Variants in UGT2B4 observed in about 807,000 individuals in gnomAD.
UGT2B4 encodes UDP-glucuronosyltransferase 2B4.
Under a neutral mutation model 49.8 loss-of-function variants are expected in UGT2B4, and 49 were observed. That is an observed-to-expected ratio of 0.98 (90% CI 0.78 to 1.25). The LOEUF (loss-of-function observed/expected upper bound fraction) is 1.25, where lower values mean the gene tolerates loss of function less well. Among genes scored for constraint, UGT2B4 ranks in the 50% most tolerant of loss-of-function variants. The pLI is 0.00. For synonymous variants in UGT2B4, 246 were observed against 217.7 expected, an observed-to-expected ratio of 1.13 and a Z score of -1.14; for missense variants, 729 against 627.7, an observed-to-expected ratio of 1.16 and a Z score of -1.73.
chr4:69,521,426 G>A (rs1728847000), intron 1 of UGT2B4, among the ~76,000 whole-genome samples: 2 of 152,158 alleles, frequency 1.3e-5, no homozygotes, highest in Non-Finnish European at 2.9e-5. Flanking sequence ...TCATCCAGAT[G>A]TGGGTGACTG....
intron 4 of UGT2B4, among the ~76,000 whole-genome samples, chr4:69,486,082 A>G (rs115598817): frequency 0.012 from 1,819 of 152,252 alleles, 34 homozygotes; most frequent in African/African-American, 0.042. Context: ...TCTTAAGTAC[A>G]GTCACGGAGT....
upstream of UGT2B4, among the ~76,000 whole-genome samples, chr4:69,498,135 T>C (rs184511577): frequency 2.6e-5 from 4 of 152,350 alleles, no homozygotes; most frequent in Admixed American, 1.3e-4. Context: ...GACTGCAGCA[T>C]TGTGTAAACA....
At chr4:69,521,940 G>A (rs1373983968) in intron 1 of UGT2B4, among the ~76,000 whole-genome samples, 2 of 152,164 alleles carry the variant, frequency 1.3e-5, no homozygotes, top group East Asian at 3.8e-4. Flanking sequence ...AAATGATGCA[G>A]CAAGTGTAGT....
intron 1 of UGT2B4, among the ~76,000 whole-genome samples, chr4:69,512,587 G>A (rs1019583882): frequency 6.6e-6 from 1 of 152,090 alleles, no homozygotes; most frequent in African/African-American, 2.4e-5. Flanking sequence ...GAAATTGCTG[G>A]CTCAAATGGC....
At chr4:69,508,187 A>C (rs1050516556) in intron 1 of UGT2B4, among the ~76,000 whole-genome samples, 4 of 152,172 alleles carry the variant, frequency 2.6e-5, no homozygotes, top group African/African-American at 9.7e-5. Flanking sequence ...TTAAAAAATA[A>C]AAAATAAATT....
chr4:69,499,761 A>G (rs1341632873), upstream of UGT2B4, among the ~76,000 whole-genome samples: 1 of 152,092 alleles, frequency 6.6e-6, no homozygotes, highest in African/African-American at 2.4e-5. Flanking sequence ...GTGTCTTTGC[A>G]AGTGAGATGG....
intron 1 of UGT2B4, among the ~76,000 whole-genome samples, chr4:69,503,487 G>T (rs572221367): frequency 6.6e-6 from 1 of 152,152 alleles, no homozygotes; most frequent in African/African-American, 2.4e-5. Flanking sequence ...ACACAGGAGT[G>T]CAGTACACCC....
chr4:69,507,533 C>CCAAA (rs758896628), intron 1 of UGT2B4, among the ~76,000 whole-genome samples: 2 of 151,880 alleles, frequency 1.3e-5, no homozygotes, highest in Non-Finnish European at 2.9e-5. Context: ...AAATAACCAA[C>CCAAA]CAAACAAACA....
chr4:69,496,073 AT>A (rs41299972), upstream of UGT2B4: 44,361 of 486,982 alleles, frequency 0.091, no homozygotes, highest in East Asian at 0.12. Flanking sequence ...TTCTTTTTGG[AT>A]TTTTTTTTTT....
chr4:69,497,724 A>C (rs1434853156), upstream of UGT2B4, among the ~76,000 whole-genome samples: 2 of 152,254 alleles, frequency 1.3e-5, no homozygotes, highest in Non-Finnish European at 2.9e-5. Flanking sequence ...AACATTGCTG[A>C]AATGACAACA....
At chr4:69,518,242 T>TA (rs944030542) in intron 1 of UGT2B4, 2 of 152,888 alleles carry the variant, frequency 1.3e-5, no homozygotes, top group African/African-American at 4.8e-5. Flanking sequence ...TCAACACTGT[T>TA]ACCTGGTGAC....
At chr4:69,513,763 T>A (rs1728665122) in intron 1 of UGT2B4, among the ~76,000 whole-genome samples, 1 of 152,308 alleles carries the variant, frequency 6.6e-6, no homozygotes, top group East Asian at 1.9e-4. Context: ...CAGTGGTTTG[T>A]AGTTCTCCTT....
intron 1 of UGT2B4, among the ~76,000 whole-genome samples, chr4:69,509,170 A>ATTTTTT (rs3075675): frequency 0.017 from 2,069 of 119,674 alleles, 106 homozygotes; most frequent in Non-Finnish European, 0.025. Flanking sequence ...TGGAATTTCT[A>ATTTTTT]TTTTTTTTTT....
chr4:69,510,096 TA>T, intron 1 of UGT2B4, among the ~76,000 whole-genome samples: 1 of 152,182 alleles, frequency 6.6e-6, no homozygotes. Context: ...TAGTACCATT[TA>T]TTTAAGAGAC....
At chr4:69,488,718 T>A (rs532881264) in intron 3 of UGT2B4, among the ~76,000 whole-genome samples, 29 of 152,012 alleles carry the variant, frequency 1.9e-4, no homozygotes, top group African/African-American at 7.0e-4. Flanking sequence ...GGGGCCACAT[T>A]TTATACTACA....
At chr4:69,483,846 C>T (rs1318612120) in intron 5 of UGT2B4, among the ~76,000 whole-genome samples, 1 of 151,850 alleles carries the variant, frequency 6.6e-6, no homozygotes, top group Non-Finnish European at 1.5e-5. Context: ...AGACCATCAT[C>T]AAAAATGTAA....
chr4:69,496,318 C>A (rs562433079), upstream of UGT2B4, among the ~76,000 whole-genome samples: 10 of 152,310 alleles, frequency 6.6e-5, 1 homozygote, highest in East Asian at 1.9e-3. Flanking sequence ...AGCCACCGCA[C>A]CCAGCCCTAG....
chr4:69,494,545 A>T (rs1170385378), intron 1 of UGT2B4, among the ~76,000 whole-genome samples: 1 of 152,162 alleles, frequency 6.6e-6, no homozygotes, highest in Non-Finnish European at 1.5e-5. Flanking sequence ...TGACAAGATG[A>T]TTAGCCTTAA....
At position 69,480,424 on chromosome 4, in the gene UGT2B4, A is replaced by G; in HGVS notation, c.*210T>C. On this transcript the variant is annotated 3_prime_UTR_variant, in exon 6 of 6. Coordinates refer to ENST00000305107, the MANE Select transcript of UGT2B4 (RefSeq NM_021139.3). The stretch of plus-strand genomic sequence containing the variant: ...ATATAACCTCATATGGCTTTATATC[A>G]TTTTTGTTTTCCCTAATGTTTTCCT... 1 of 612,192 alleles carries G rather than the reference A, an allele frequency of 1.6e-6. No homozygotes were observed. The highest frequency in any genetic ancestry group is 4.7e-4 in the Middle Eastern group (1 of 2,136). The allele number at this position is 612,192 out of a possible 1,614,324, so 37.9% of individuals were successfully genotyped here.
Sources: gnomAD v4.1 joint callset for allele counts (sites outside exome capture counted in the v4.1 genomes callset) on GRCh38, gnomAD v4.1.1 for gene constraint, MANE v1.5 for transcripts, NCBI Gene and HGNC (gene_info 2026-07-23, HGNC 2026-07-21) for gene names.